The following TPRX1 variants were observed in gnomAD, a reference collection of about 807,000 sequenced individuals.
The protein encoded by TPRX1 is tetrapeptide repeat homeobox 1.
TPRX1 carries 2 observed loss-of-function variants against 8.1 expected under a neutral mutation model. The observed-to-expected ratio is 0.25, with a 90% CI of 0.10 to 0.78. The LOEUF (loss-of-function observed/expected upper bound fraction) is 0.78. Ranked by LOEUF, TPRX1 falls within the 30% of genes least tolerant of loss-of-function variation. TPRX1 has a pLI of 0.70. For missense variants in TPRX1, 517 were observed against 586.9 expected, an observed-to-expected ratio of 0.88 and a Z score of 1.23; for synonymous variants, 257 against 254.1, an observed-to-expected ratio of 1.01 and a Z score of -0.11.
chr19:47,816,767 C>T (rs529069485), intron 2 of TPRX1, among the ~76,000 whole-genome samples: 92 of 151,338 alleles, frequency 6.1e-4, no homozygotes, highest in African/African-American at 2.1e-3. Context: ...CTCCTGACCT[C>T]GTGATCTGCC....
chr19:47,811,520 A>T lies in TPRX1; in HGVS notation c.151+6948T>A, dbSNP rs556133151. Among the ~76,000 whole-genome samples the T allele has an allele frequency of 9.8e-4, 128 of 130,124 alleles. 2 individuals are homozygous for T. Among genetic ancestry groups the T allele is most frequent in the African/African-American group, 2.9e-3 (101 of 34,296 alleles). The allele number at this position is 130,124 out of a possible 152,430, so 85.4% of individuals were successfully genotyped here. On this transcript the variant is annotated intron_variant, in intron 2 of 3. Transcript: ENST00000535759. Reference sequence around the variant, plus strand: ...ACTTTTTTTTTTTTTTTTTTTTGAGACAGCGTCTCACTCTGTTGCCCCGGC... The same window carrying T: ...ACTTTTTTTTTTTTTTTTTTTTGAGTCAGCGTCTCACTCTGTTGCCCCGGC...
At chr19:47,810,254 CAAAAAAAA>C (rs767070353) in intron 2 of TPRX1, among the ~76,000 whole-genome samples, 5 of 21,392 alleles carry the variant, frequency 2.3e-4, no homozygotes, top group Non-Finnish European at 3.3e-4. Flanking sequence ...GACTCCATCT[CAAAAAAAA>C]AAAAAAAAAA....
At chr19:47,808,880 G>T (rs1025061625) in intron 2 of TPRX1, among the ~76,000 whole-genome samples, 3 of 152,118 alleles carry the variant, frequency 2.0e-5, no homozygotes, top group Non-Finnish European at 4.4e-5. Context: ...ATTAATTCAC[G>T]CCCACAAATT....
chr19:47,801,866 A>G (rs1477152968), exon 4 of TPRX1: 1 of 1,613,974 alleles, frequency 6.2e-7, no homozygotes, highest in Non-Finnish European at 8.5e-7. Flanking sequence ...TTTTTTGCCC[A>G]TAGAGTCATC....
Position 47,802,208 on chromosome 19 carries a change from G to A in TPRX1, c.1094C>T (p.Pro365Leu), listed in dbSNP as rs764622330. The change falls in exon 4 of 4, where the codon CCG (proline) becomes CTG (leucine). Residue 365 changes from proline to leucine, a missense_variant. Physicochemically the swap from Pro to Leu is moderately conservative, Grantham distance 98. Transcript: ENST00000535759. ...TGGGATCTGGGCTGGGCTGGGAATC[G>A]GGCCTATAATTGGGCCTGGGCCTGA... 18 of 1,612,518 alleles carry A rather than the reference G, an allele frequency of 1.1e-5. No individual in the cohort carries two copies. The East Asian group carries it at 1.6e-4, about 14-fold the overall frequency.
intron 2 of TPRX1, among the ~76,000 whole-genome samples, chr19:47,812,880 TG>T (rs1967796276): frequency 6.7e-6 from 1 of 150,344 alleles, no homozygotes. Flanking sequence ...CCGAGGCGGG[TG>T]GATCACTTGA....
chr19:47,802,776 C>G, exon 4 of TPRX1: 2 of 1,604,884 alleles, frequency 1.2e-6, no homozygotes, highest in Non-Finnish European at 1.7e-6. Flanking sequence ...CACCCAGGGC[C>G]ACCCCAGGCC....
rs554368431 is a variant in TPRX1 at position 47,810,660 on chromosome 19, C to T, written c.152-6987G>A. ...CCTTCCATCAATTCTTCAATCTCCT[C>T]TTTTACCCTATGCCTGTGGGCTCTG... On this transcript the variant is annotated intron_variant, in intron 2 of 3. Transcript: ENST00000535759. Among the ~76,000 whole-genome samples, 11 of 152,020 alleles carry T rather than the reference C, an allele frequency of 7.2e-5. 1 individual carries two copies. In the South Asian group the frequency reaches 2.3e-3, roughly 32 times the overall value.
chr19:47,807,867 G>GTT (rs143824918), intron 2 of TPRX1, among the ~76,000 whole-genome samples: 30 of 151,478 alleles, frequency 2.0e-4, no homozygotes, highest in African/African-American at 6.8e-4. Flanking sequence ...ATTTTTGGAG[G>GTT]TTTTTTTTTG....
At chr19:47,802,252 G>T in exon 4 of TPRX1, 2 of 1,597,130 alleles carry the variant, frequency 1.3e-6, no homozygotes, top group Non-Finnish European at 1.7e-6. Context: ...CTGGGATTGG[G>T]CCTGGGATCA....
intron 1 of TPRX1, chr19:47,818,679 A>G (rs75756955): frequency 1.3e-5 from 5 of 391,050 alleles, no homozygotes; most frequent in African/African-American, 4.2e-5. Flanking sequence ...AAACTCATCA[A>G]CAACCTGATC....
intron 2 of TPRX1, among the ~76,000 whole-genome samples, chr19:47,813,688 T>C (rs1352545437): frequency 6.6e-6 from 1 of 151,616 alleles, no homozygotes; most frequent in African/African-American, 2.4e-5. Flanking sequence ...AGTTGCTTTG[T>C]GTCTACCCCC....
intron 2 of TPRX1, among the ~76,000 whole-genome samples, chr19:47,815,449 G>A (rs988415723): frequency 7.4e-5 from 11 of 148,688 alleles, no homozygotes; most frequent in African/African-American, 2.7e-4. Context: ...CACCGCACCT[G>A]GCTCAAAGAA....
intron 2 of TPRX1, among the ~76,000 whole-genome samples, chr19:47,814,939 A>C (rs1398881932): frequency 6.7e-6 from 1 of 150,316 alleles, no homozygotes; most frequent in Non-Finnish European, 1.5e-5. Context: ...AGCTGGGATT[A>C]CAGGCATGTG....
chr19:47,811,700 T>C (rs1967784979), intron 2 of TPRX1, among the ~76,000 whole-genome samples: 1 of 151,488 alleles, frequency 6.6e-6, no homozygotes, highest in Admixed American at 6.6e-5. Flanking sequence ...GGTTTCACCA[T>C]ATTGGCCAGG....
At chr19:47,811,889 G>A (rs139297171) in intron 2 of TPRX1, among the ~76,000 whole-genome samples, 35 of 151,210 alleles carry the variant, frequency 2.3e-4, no homozygotes, top group East Asian at 1.4e-3. Flanking sequence ...TTTTTGAGAC[G>A]GAGTTTCGCT....
At chr19:47,809,578 T>C (rs1967764375) in intron 2 of TPRX1, among the ~76,000 whole-genome samples, 1 of 152,138 alleles carries the variant, frequency 6.6e-6, no homozygotes, top group African/African-American at 2.4e-5. Context: ...CACAATATAT[T>C]TGAATGAACA....
chr19:47,813,108 A>AAAATAAATAAATAAAT (rs373835462), intron 2 of TPRX1, among the ~76,000 whole-genome samples: 6,095 of 134,426 alleles, frequency 0.045, 207 homozygotes, highest in Middle Eastern at 0.081. Context: ...CTGTGTCTCA[A>AAAATAAATAAATAAAT]AAATAAATAA....
At chr19:47,817,051 T>A (rs1258239270) in intron 2 of TPRX1, among the ~76,000 whole-genome samples, 1 of 152,178 alleles carries the variant, frequency 6.6e-6, no homozygotes, top group African/African-American at 2.4e-5. Flanking sequence ...CCAAGGCTAG[T>A]TCTCAGAGCT....
Sources: allele counts gnomAD v4.1 joint callset (sites outside exome capture counted in the v4.1 genomes callset), GRCh38; gene constraint gnomAD v4.1.1; transcripts MANE v1.5; gene names NCBI Gene and HGNC (gene_info 2026-07-23, HGNC 2026-07-21).